CCDC7: variants seen among roughly 807,000 people sequenced by gnomAD.
CCDC7 encodes coiled-coil domain-containing protein 7.
CCDC7 carries 183 observed loss-of-function variants against 196.9 expected under a neutral mutation model. That is an observed-to-expected ratio of 0.93 (90% CI 0.82 to 1.05). The LOEUF (loss-of-function observed/expected upper bound fraction) is 1.05, where lower values mean the gene tolerates loss of function less well. Among genes scored for constraint, CCDC7 ranks in the 50% least tolerant of loss-of-function variants. The pLI, the probability that CCDC7 is intolerant of heterozygous loss-of-function variation, is 0.00. For synonymous variants in CCDC7, 525 were observed against 484.6 expected (o/e 1.08, Z -1.10); for missense variants, 1,540 against 1,482.2 (o/e 1.04, Z -0.64).
At chr10:32,521,611 T>C (rs2047894948) in intron 11 of CCDC7, among the ~76,000 whole-genome samples, 2 of 151,958 alleles carry the variant, frequency 1.3e-5, no homozygotes, top group Non-Finnish European at 2.9e-5. Context: ...CTTTAGATTT[T>C]TCCAAATATA....
At chr10:32,764,780 A>C (rs1483242615) in intron 28 of CCDC7, among the ~76,000 whole-genome samples, 1 of 152,044 alleles carries the variant, frequency 6.6e-6, no homozygotes, top group Non-Finnish European at 1.5e-5. Context: ...CTCAGAAATC[A>C]CACTGGATGT....
intron 13 of CCDC7, among the ~76,000 whole-genome samples, chr10:32,563,827 G>T (rs928130265): frequency 2.6e-5 from 4 of 151,826 alleles, no homozygotes; most frequent in African/African-American, 7.2e-5. Context: ...AAGAGCTTCT[G>T]CACAGCAAAA....
chr10:32,689,989 C>A (rs907504103), intron 23 of CCDC7, among the ~76,000 whole-genome samples: 1 of 152,204 alleles, frequency 6.6e-6, no homozygotes, highest in African/African-American at 2.4e-5. Context: ...CCCGCCTCGG[C>A]CTCCCAAAGT....
intron 28 of CCDC7, among the ~76,000 whole-genome samples, chr10:32,742,332 A>C (rs2085998361): frequency 6.6e-6 from 1 of 152,182 alleles, no homozygotes; most frequent in Non-Finnish European, 1.5e-5. Context: ...ATGAACCTAC[A>C]CTGACACCAC....
At chr10:32,471,337 T>G (rs1463910578) in intron 6 of CCDC7, 107 bp downstream of exon 7, 1 of 1,330,188 alleles carries the variant, frequency 7.5e-7, no homozygotes, top group Non-Finnish European at 1.0e-6. Context: ...ACACAGAGCT[T>G]CTTAGTCAAA....
intron 28 of CCDC7, among the ~76,000 whole-genome samples, chr10:32,758,547 A>T (rs1000064985): frequency 6.6e-6 from 1 of 152,106 alleles, no homozygotes; most frequent in Non-Finnish European, 1.5e-5. Context: ...AAAATTCAAC[A>T]CCCCTTCTTG....
chr10:32,483,657 T>G (rs923930221), intron 8 of CCDC7, among the ~76,000 whole-genome samples: 25 of 152,204 alleles, frequency 1.6e-4, no homozygotes, highest in African/African-American at 5.5e-4. Flanking sequence ...TAATCCATCT[T>G]GAATTGATTT....
chr10:32,505,991 G>C, intron 9 of CCDC7, among the ~76,000 whole-genome samples: 1 of 148,712 alleles, frequency 6.7e-6, no homozygotes, highest in East Asian at 2.0e-4. Context: ...CTTCCCAGAC[G>C]GGGTGGCCAG....
intron 8 of CCDC7, among the ~76,000 whole-genome samples, chr10:32,476,237 C>T (rs752007067): frequency 6.6e-6 from 1 of 152,120 alleles, no homozygotes; most frequent in African/African-American, 2.4e-5. Flanking sequence ...CACCTGAATC[C>T]CTGGAAACCA....
intron 25 of CCDC7, among the ~76,000 whole-genome samples, chr10:32,719,972 G>A (rs1017065174): frequency 1.3e-5 from 2 of 152,006 alleles, no homozygotes; most frequent in Non-Finnish European, 2.9e-5. Flanking sequence ...AATTCCTCAG[G>A]GATCTAGAAC....
chr10:32,878,706 C>G (rs1015104185), downstream of CCDC7, among the ~76,000 whole-genome samples: 2 of 152,062 alleles, frequency 1.3e-5, no homozygotes, highest in South Asian at 2.1e-4. Context: ...TCCTTTGGTT[C>G]TATTGTGAGA....
At chr10:32,534,871 T>C (rs991223072) in intron 11 of CCDC7, among the ~76,000 whole-genome samples, 5 of 152,110 alleles carry the variant, frequency 3.3e-5, no homozygotes, top group African/African-American at 1.2e-4. Context: ...TTGTTGGTAA[T>C]ATTTCTCCCT....
At chr10:32,726,293 TATATC>T (rs1429532427) in intron 25 of CCDC7, among the ~76,000 whole-genome samples, 3 of 151,820 alleles carry the variant, frequency 2.0e-5, no homozygotes, top group Admixed American at 6.6e-5. Context: ...GTAGAGTATT[TATATC>T]ATATCATAAT....
chr10:32,702,128 A>C (rs1057418012), intron 24 of CCDC7, among the ~76,000 whole-genome samples: 5 of 150,590 alleles, frequency 3.3e-5, no homozygotes, highest in African/African-American at 1.2e-4. Flanking sequence ...TCCATTTTAG[A>C]TTTTTCCTGC....
chr10:32,659,312 A>G (rs1321496931), intron 20 of CCDC7, among the ~76,000 whole-genome samples: 1 of 152,136 alleles, frequency 6.6e-6, no homozygotes, highest in Admixed American at 6.5e-5. Flanking sequence ...GGAGTGTGCC[A>G]CTAAATTTTC....
At chr10:32,698,619 A>T (rs1414021622) in intron 24 of CCDC7, among the ~76,000 whole-genome samples, 1 of 152,060 alleles carries the variant, frequency 6.6e-6, no homozygotes, top group Non-Finnish European at 1.5e-5. Flanking sequence ...TGAAGATCAA[A>T]TGAATGAAAT....
At chr10:32,669,306 G>A (rs1381529366) in intron 21 of CCDC7, among the ~76,000 whole-genome samples, 1 of 152,086 alleles carries the variant, frequency 6.6e-6, no homozygotes, top group Admixed American at 6.6e-5. Flanking sequence ...TTAGTATTTT[G>A]TTGAGGTTTT....
intron 24 of CCDC7, among the ~76,000 whole-genome samples, chr10:32,710,495 A>T (rs933922707): frequency 6.6e-6 from 1 of 152,224 alleles, no homozygotes; most frequent in Admixed American, 6.5e-5. Context: ...CCCACCAGGC[A>T]TCTTTGCCTG....
chr10:32,611,134 A>G (rs2062081560), intron 18 of CCDC7, among the ~76,000 whole-genome samples: 1 of 152,198 alleles, frequency 6.6e-6, no homozygotes, highest in South Asian at 2.1e-4. Flanking sequence ...GTGAGATGGT[A>G]TCTCATTGTG....
Sources: gnomAD v4.1 joint callset for allele counts (sites outside exome capture counted in the v4.1 genomes callset) on GRCh38, gnomAD v4.1.1 for gene constraint, MANE v1.5 for transcripts, NCBI Gene and HGNC (gene_info 2026-07-23, HGNC 2026-07-21) for gene names.